The following KRR1 variants were observed in gnomAD, a reference collection of about 807,000 sequenced individuals.
The protein encoded by KRR1 is KRR1 small subunit processome component homolog.
A neutral mutation model predicts 50.0 loss-of-function variants in KRR1; 23 were observed. The ratio of observed to expected loss-of-function variants is 0.46; its 90% CI spans 0.33 to 0.65. The LOEUF (loss-of-function observed/expected upper bound fraction) is 0.65. Ranked by LOEUF, KRR1 falls within the 30% of genes least tolerant of loss-of-function variation. The probability of loss-of-function intolerance (pLI) is 0.02; values close to 1 mark genes in which losing one functional copy is unlikely to be tolerated. For synonymous variants in KRR1, 133 were observed against 146.3 expected, an observed-to-expected ratio of 0.91 and a Z score of 0.66; for missense variants, 419 against 442.4, an observed-to-expected ratio of 0.95 and a Z score of 0.47.
Position 75,498,788 on chromosome 12 carries a change from C to G in KRR1, c.*1021G>C, listed in dbSNP as rs766627075. 1 of 1,609,714 alleles carries G rather than the reference C, an allele frequency of 6.2e-7. No homozygotes were observed. The highest frequency in any genetic ancestry group is 1.7e-5 in the Admixed American group (1 of 59,932). ...AATTCTGTCAGTGCATTATGAGGAA[C>G]AATGTCTAAGAGGATATTCTATGTT... On this transcript the variant is annotated 3_prime_UTR_variant, in exon 10 of 10. Transcript: ENST00000229214.
rs1371757900 is a variant in KRR1 at position 75,496,699 on chromosome 12, G to C, written c.*3110C>G. The C allele has an allele frequency of 1.3e-5, 2 of 152,170 alleles. No homozygotes were observed. The highest frequency in any genetic ancestry group is 2.9e-5 in the Non-Finnish European group (2 of 68,032). The allele number at this position is 152,170 out of a possible 1,614,324, so 9.4% of individuals were successfully genotyped here. On this transcript the variant is annotated 3_prime_UTR_variant, in exon 10 of 10. Transcript: ENST00000229214. Reference sequence around the variant, plus strand: ...CTAGAGTAGGGTGCTTAGAATAGAGGAAGGACAGAGTCGGCCAAGTTCCAC... The same window carrying C: ...CTAGAGTAGGGTGCTTAGAATAGAGCAAGGACAGAGTCGGCCAAGTTCCAC...
chr12:75,503,630 C>A (rs1036224349), intron 7 of KRR1: 1 of 256,482 alleles, frequency 3.9e-6, no homozygotes, highest in Non-Finnish European at 7.4e-6. Flanking sequence ...GCAGACTAAA[C>A]GAACTTTTAT....
In KRR1 at chr12:75,506,574, G is replaced by A. The variant is rs2046422650; in HGVS notation, c.429C>T (p.Asp143=). 5.2e-6 allele frequency: 8 copies of A among 1,533,794 alleles called. No individual in the cohort carries two copies. The highest frequency in any genetic ancestry group is 6.2e-6 in the Non-Finnish European group (7 of 1,134,250). The change falls in exon 4 of 10, where the codon GAC becomes GAT. Residue 143 remains aspartate, a synonymous_variant. Coordinates refer to ENST00000229214, the MANE Select transcript of KRR1 (RefSeq NM_007043.7). ...TTACTAAAGAACCTATTTTAATGAT[G>A]TCACATGCAACATCATCCTGAAGAA... ...VRILQDDVAC[D]IIKIGSLVRN...
At chr12:75,508,179 A>AT in intron 2 of KRR1, 95 bp downstream of exon 2, 1 of 821,256 alleles carries the variant, frequency 1.2e-6, no homozygotes. Context: ...TGTTAGCACC[A>AT]TTAAAAAAAA....
In KRR1 at chr12:75,491,517, G is replaced by C. The variant is rs758582458; in HGVS notation, c.*8292C>G. On this transcript the variant is annotated 3_prime_UTR_variant, in exon 10 of 10. Transcript: ENST00000229214. ...CACTTCTATTTCCCTATAATTCCTT[G>C]AGATACTAGCACGTAAAGACTGTGA... 7.9e-5 allele frequency: 12 copies of C among 152,082 alleles called. No homozygotes were observed. The highest frequency in any genetic ancestry group is 1.5e-4 in the Non-Finnish European group (10 of 68,028). 9.4% of individuals were successfully genotyped at this position (152,082 alleles called of 1,614,324 possible).
rs545118512 is a variant in KRR1, at chr12:75,491,123, G to T, written c.*8686C>A. Reference sequence around the variant, plus strand: ...TCTATTTTTCACTTAAAATTATGCTGTGAAAAATTTTCCTTTTCAAAATTT... The same window carrying T: ...TCTATTTTTCACTTAAAATTATGCTTTGAAAAATTTTCCTTTTCAAAATTT... On this transcript the variant is annotated 3_prime_UTR_variant, in exon 10 of 10. Coordinates refer to ENST00000229214, the MANE Select transcript of KRR1 (RefSeq NM_007043.7). The T allele has an allele frequency of 2.0e-5, 3 of 152,212 alleles. No homozygotes were observed. In the East Asian group the frequency reaches 5.8e-4, roughly 29 times the overall value. 9.4% of individuals were successfully genotyped at this position (152,212 alleles called of 1,614,324 possible). A position where few individuals can be genotyped will look rare whatever the true frequency, so the allele number is the denominator to read the frequency against.
chr12:75,506,190 T>C, intron 5 of KRR1, 126 bp downstream of exon 5: 1 of 621,714 alleles, frequency 1.6e-6, no homozygotes, highest in Non-Finnish European at 2.7e-6. Context: ...AAAAAGTATT[T>C]ACTAATGGGA....
rs890427101 is a variant in KRR1 at position 75,490,868 on chromosome 12, T to C, written c.*8941A>G. The C allele has an allele frequency of 1.9e-5, 3 of 159,488 alleles. No individual in the cohort carries two copies. Among genetic ancestry groups the C allele is most frequent in the African/African-American group, 7.2e-5 (3 of 41,670 alleles). 9.9% of individuals were successfully genotyped at this position (159,488 alleles called of 1,614,324 possible). ...ACAAAGTGGAAGAACTGATGTTATATTTATTGGTTTATTAGAAACTTGGCA... is the reference window on the plus strand; with the variant it reads ...ACAAAGTGGAAGAACTGATGTTATACTTATTGGTTTATTAGAAACTTGGCA... On this transcript the variant is annotated 3_prime_UTR_variant, in exon 10 of 10. Transcript: ENST00000229214.
chr12:75,497,903 AAT>A lies in KRR1; in HGVS notation c.*1904_*1905del, dbSNP rs1491529868. ...ACATTTAAAAATATATATAAAAAAAAATAACTAGAACATCACACTCTTGATTT... is the reference window on the plus strand; with the variant it reads ...ACATTTAAAAATATATATAAAAAAAAAACTAGAACATCACACTCTTGATTT... On this transcript the variant is annotated 3_prime_UTR_variant, in exon 10 of 10. Transcript: ENST00000229214. 6.6e-6 allele frequency: 1 copy of A among 152,152 alleles called. No homozygotes were observed. Among genetic ancestry groups the A allele is most frequent in the Non-Finnish European group, 1.5e-5 (1 of 68,038 alleles). The allele number at this position is 152,152 out of a possible 1,614,324, so 9.4% of individuals were successfully genotyped here.
At position 75,498,791 on chromosome 12, in the gene KRR1, T is replaced by A; in HGVS notation, c.*1018A>T. ...TCTGTCAGTGCATTATGAGGAACAA[T>A]GTCTAAGAGGATATTCTATGTTTGT... On this transcript the variant is annotated 3_prime_UTR_variant, in exon 10 of 10. Coordinates refer to ENST00000229214, the MANE Select transcript of KRR1 (RefSeq NM_007043.7). 4.3e-6 allele frequency: 7 copies of A among 1,611,082 alleles called. No individual in the cohort carries two copies. Among genetic ancestry groups the A allele is most frequent in the Non-Finnish European group, 5.9e-6 (7 of 1,177,536 alleles).
chr12:75,499,848 C>G lies in KRR1; in HGVS notation c.1107G>C (p.Lys369Asn). The change falls in exon 10 of 10, where the codon AAG (lysine) becomes AAC (asparagine). Residue 369 changes from lysine to asparagine, a missense_variant. Physicochemically the swap from Lys to Asn is moderately conservative, Grantham distance 94 (BLOSUM62 0). Coordinates refer to ENST00000229214, the MANE Select transcript of KRR1 (RefSeq NM_007043.7). The stretch of plus-strand genomic sequence containing the variant: ...TCTTTTTCTTTTCATCTGCCTCCAT[C>G]TTAAGTGCAATTTCTTCAGCTGTAA... ...GALTAEEIALKMEADEKKKKK... is the reference protein window; with the variant it reads ...GALTAEEIALNMEADEKKKKK... The G allele has an allele frequency of 6.2e-7, 1 of 1,607,306 alleles. No individual in the cohort carries two copies. Among genetic ancestry groups the G allele is most frequent in the Non-Finnish European group, 8.5e-7 (1 of 1,177,324 alleles).
In KRR1 at chr12:75,503,974, C is replaced by T. The variant is rs761193901; in HGVS notation, c.761G>A (p.Arg254His). ...PQFKHKNVNK[R>H]KEPKKKTVKK... is the part of the protein sequence containing the mutation. ...AACAGTTTTTTTCTTTGGTTCCTTGCGTTTATTCACATTTTTGTGTTTGAA... is the reference window on the plus strand; with the variant it reads ...AACAGTTTTTTTCTTTGGTTCCTTGTGTTTATTCACATTTTTGTGTTTGAA... Residue 254 changes from arginine to histidine, a missense_variant, in exon 7 of 10, where the codon CGC (arginine) becomes CAC (histidine). Arg to His is a conservative substitution (Grantham distance 29, BLOSUM62 0). Transcript: ENST00000229214. 7 of 1,611,776 alleles carry T rather than the reference C, an allele frequency of 4.3e-6. No homozygotes were observed. The highest frequency in any genetic ancestry group is 4.0e-5 in the African/African-American group (3 of 74,794).
chr12:75,505,236 C>G lies in KRR1; in HGVS notation c.622G>C (p.Asp208His), dbSNP rs2046416660. 6.4e-7 allele frequency: 1 copy of G among 1,574,676 alleles called. No homozygotes were observed. The highest frequency in any genetic ancestry group is 1.8e-5 in the Admixed American group (1 of 54,418). The change falls in exon 6 of 10, where the codon GAT becomes CAT. Residue 208 changes from aspartate (D) to histidine (H), a missense_variant. By Grantham distance (81) the Asp-to-His change is moderately conservative. Transcript: ENST00000229214. ...ATTGGATGAATATTCTTCATAGTAT[C>G]AAGGACTACTTTTCTAACCTGAAAT... Reference protein sequence around the residue: ...GLKEVRKVVLDTMKNIHPIYN... With the variant: ...GLKEVRKVVLHTMKNIHPIYN...
chr12:75,505,798 T>C (rs1006309066), intron 5 of KRR1, among the ~76,000 whole-genome samples: 1 of 151,974 alleles, frequency 6.6e-6, no homozygotes, highest in Admixed American at 6.6e-5. Flanking sequence ...GAAACAGCAT[T>C]TGCTCCACAG....
chr12:75,506,626 A>T lies in KRR1; in HGVS notation c.394-17T>A, dbSNP rs760366449. Reference sequence around the variant, plus strand: ...TCGTACTGCCTTTTGCAAAAAAAAAAAAAAAAAGAAGACATTATCAACATT... The same window carrying T: ...TCGTACTGCCTTTTGCAAAAAAAAATAAAAAAAGAAGACATTATCAACATT... On this transcript the variant is annotated splice_polypyrimidine_tract_variant and intron_variant, in intron 3 of 9. Coordinates refer to ENST00000229214, the MANE Select transcript of KRR1 (RefSeq NM_007043.7). The T allele has an allele frequency of 3.9e-6, 6 of 1,553,498 alleles. No homozygotes were observed. The South Asian group carries it at 7.3e-5, about 19-fold the overall frequency.
chr12:75,501,097 AG>A (rs1164131655), intron 9 of KRR1: 4 of 152,136 alleles, frequency 2.6e-5, no homozygotes, highest in African/African-American at 9.7e-5. Context: ...GGGTTACTTT[AG>A]GAAGAGGATA....
At position 75,511,561 on chromosome 12, in the gene KRR1, C is replaced by T. The variant is rs140534370; in HGVS notation, c.37G>A (p.Ala13Thr). 9.3e-6 allele frequency: 15 copies of T among 1,613,970 alleles called. No individual in the cohort carries two copies. In the East Asian group the frequency reaches 3.1e-4, roughly 34 times the overall value. The change falls in exon 1 of 10, where the codon GCT becomes ACT. Residue 13 changes from alanine (A) to threonine (T), a missense_variant. Coordinates refer to ENST00000229214, the MANE Select transcript of KRR1 (RefSeq NM_007043.7). ...SPSLERPEKGAGKSEFRNQKP... is the reference protein window; with the variant it reads ...SPSLERPEKGTGKSEFRNQKP... The stretch of plus-strand genomic sequence containing the variant: ...TGGTTACGAAATTCACTTTTTCCAG[C>T]GCCTTTTTCTGGCCGCTCCAGCGAG...
rs1223927719 is a variant in KRR1 at position 75,491,318 on chromosome 12, C to G, written c.*8491G>C. ...TGAGAACAGCAAGGCACACACGGGT[C>G]AGCAACCTGCCCAAAGTTCTACAGT... is the stretch of plus-strand genomic sequence containing the variant. On this transcript the variant is annotated 3_prime_UTR_variant, in exon 10 of 10. Transcript: ENST00000229214. 2 of 152,182 alleles carry G rather than the reference C, an allele frequency of 1.3e-5. No homozygotes were observed. The highest frequency in any genetic ancestry group is 2.9e-5 in the Non-Finnish European group (2 of 68,036). The allele number at this position is 152,182 out of a possible 1,614,324, so 9.4% of individuals were successfully genotyped here. A position where few individuals can be genotyped will look rare whatever the true frequency, so the allele number is the denominator to read the frequency against.
In KRR1 at chr12:75,508,380, G is replaced by C. The variant is rs949822941; in HGVS notation, c.152C>G (p.Pro51Arg). 15 of 1,613,018 alleles carry C rather than the reference G, an allele frequency of 9.3e-6. No homozygotes were observed. Among genetic ancestry groups the C allele is most frequent in the Non-Finnish European group, 1.3e-5 (15 of 1,179,502 alleles). ...KEPAFSKEDN[P>R]RGLLEESSFA... Reference sequence around the variant, plus strand: ...ACTGCTCTCCTCCAAAAGTCCTCTGGGATTGTCCTCTTTGGAAAAAGCTGG... The same window carrying C: ...ACTGCTCTCCTCCAAAAGTCCTCTGCGATTGTCCTCTTTGGAAAAAGCTGG... The change falls in exon 2 of 10, where the codon CCC becomes CGC. Residue 51 changes from proline (P) to arginine (R), a missense_variant. Transcript: ENST00000229214.
Sources: allele counts gnomAD v4.1 joint callset (sites outside exome capture counted in the v4.1 genomes callset), GRCh38; gene constraint gnomAD v4.1.1; transcripts MANE v1.5; gene names NCBI Gene and HGNC (gene_info 2026-07-23, HGNC 2026-07-21).